SORBS2: variants seen among roughly 807,000 people sequenced by gnomAD.
The protein encoded by SORBS2 is sorbin and SH3 domain containing 2.
A neutral mutation model predicts 97.7 loss-of-function variants in SORBS2; 46 were observed. That is an observed-to-expected ratio of 0.47 (90% CI 0.37 to 0.60). SORBS2 has a LOEUF of 0.60. Among genes scored for constraint, SORBS2 ranks in the 20% least tolerant of loss-of-function variants. SORBS2 has a pLI of 0.00. For missense variants in SORBS2, 1,316 were observed against 1,282.3 expected (o/e 1.03, Z -0.40); for synonymous variants, 476 against 473.4 (o/e 1.01, Z -0.07).
intron 1 of SORBS2, among the ~76,000 whole-genome samples, chr4:185,871,210 A>C (rs944315391): frequency 3.3e-5 from 5 of 152,214 alleles, no homozygotes; most frequent in African/African-American, 1.2e-4. Flanking sequence ...CTTAACAAAA[A>C]GTTAGCCAGG....
upstream of SORBS2, among the ~76,000 whole-genome samples, chr4:185,658,817 A>T (rs2153471391): frequency 6.6e-6 from 1 of 150,534 alleles, no homozygotes; most frequent in South Asian, 2.1e-4. Context: ...AGTAGCTGGG[A>T]CTACAGGTGC....
intron 1 of SORBS2, among the ~76,000 whole-genome samples, chr4:185,838,419 T>C (rs12640920): frequency 0.3 from 45,658 of 152,080 alleles, 8,529 homozygotes; most frequent in East Asian, 0.76. Flanking sequence ...AACTCACGGA[T>C]GCGCTGGTTG....
At chr4:185,724,514 A>C (rs2098541813) in intron 2 of SORBS2, among the ~76,000 whole-genome samples, 1 of 152,114 alleles carries the variant, frequency 6.6e-6, no homozygotes, top group Non-Finnish European at 1.5e-5. Flanking sequence ...TGGGTGTTCT[A>C]ACCTAACTTT....
chr4:185,826,695 A>T (rs58815277), intron 1 of SORBS2, among the ~76,000 whole-genome samples: 35,226 of 152,070 alleles, frequency 0.23, 4,766 homozygotes, highest in East Asian at 0.64. Flanking sequence ...AATCACACTA[A>T]TTTATTCAAC....
At chr4:185,598,662 CT>C (rs1297964748) in intron 12 of SORBS2, among the ~76,000 whole-genome samples, 3 of 152,026 alleles carry the variant, frequency 2.0e-5, no homozygotes, top group Admixed American at 6.6e-5. Flanking sequence ...GTGTTTTTAT[CT>C]TTTTTTATAA....
Position 185,606,966 on chromosome 4 carries a change from TGTC to T in SORBS2, c.2796+4811_2796+4813del. ...TCAACTCTGCAAAGTTGCTTTGAGT[TGTC>T]GTTCTGGGATCCTGAAGAGGCTCTG... On this transcript the variant is annotated intron_variant, in intron 12 of 14. Coordinates refer to ENST00000418609, the Ensembl canonical transcript of SORBS2. The surrounding 1 kb of genome is among the most constrained non-coding windows in gnomAD (Gnocchi z 4.3). The T allele has an allele frequency of 1.0e-6, 1 of 993,318 alleles. No individual in the cohort carries two copies. 61.5% of individuals were successfully genotyped at this position (993,318 alleles called of 1,614,324 possible).
At chr4:185,800,881 ACTT>A (rs988934312) in intron 1 of SORBS2, among the ~76,000 whole-genome samples, 1 of 152,178 alleles carries the variant, frequency 6.6e-6, no homozygotes, top group African/African-American at 2.4e-5. Context: ...GTTAGTGATC[ACTT>A]CTTATCTTTT....
intron 1 of SORBS2, among the ~76,000 whole-genome samples, chr4:185,834,870 AC>A (rs1198525864): frequency 9.8e-5 from 15 of 152,324 alleles, no homozygotes; most frequent in African/African-American, 2.9e-4. Flanking sequence ...TTATAAAATA[AC>A]CAAAAAGCGT....
chr4:185,806,238 G>A (rs2099152847), intron 1 of SORBS2, among the ~76,000 whole-genome samples: 1 of 152,194 alleles, frequency 6.6e-6, no homozygotes, highest in African/African-American at 2.4e-5. Context: ...TCCTCAGCGA[G>A]AAGTAAGTAC....
intron 1 of SORBS2, among the ~76,000 whole-genome samples, chr4:185,840,939 A>T (rs927359730): frequency 6.6e-5 from 10 of 151,568 alleles, no homozygotes; most frequent in Non-Finnish European, 1.5e-4. Context: ...GGCAAGAGGG[A>T]GGGGAGGGAG....
At chr4:185,650,492 T>C (rs918835636) in intron 2 of SORBS2, among the ~76,000 whole-genome samples, 2 of 152,186 alleles carry the variant, frequency 1.3e-5, no homozygotes, top group African/African-American at 4.8e-5. Flanking sequence ...ACTGATCAAA[T>C]GATCAGCTTG....
chr4:185,733,080 G>A (rs1277227193), intron 2 of SORBS2, among the ~76,000 whole-genome samples: 2 of 152,176 alleles, frequency 1.3e-5, no homozygotes, highest in African/African-American at 4.8e-5. Context: ...ACACCCCCAC[G>A]TAGAGTGTGA....
intron 2 of SORBS2, among the ~76,000 whole-genome samples, chr4:185,729,045 C>A (rs975347486): frequency 6.6e-5 from 10 of 152,180 alleles, no homozygotes; most frequent in Non-Finnish European, 1.5e-4. Context: ...AGGATTAAAT[C>A]ATAGATGTAA....
chr4:185,878,935 C>T (rs185975278), intron 1 of SORBS2, among the ~76,000 whole-genome samples: 57 of 152,326 alleles, frequency 3.7e-4, no homozygotes, highest in African/African-American at 1.4e-3. Flanking sequence ...GCTGCCAGAG[C>T]TTCCCATCAA....
At chr4:185,894,872 C>A (rs573825980) in intron 1 of SORBS2, among the ~76,000 whole-genome samples, 131 of 152,294 alleles carry the variant, frequency 8.6e-4, no homozygotes, top group African/African-American at 3.1e-3. Flanking sequence ...CTCCTCGGAG[C>A]CTAGCACTTT....
intron 1 of SORBS2, among the ~76,000 whole-genome samples, chr4:185,799,576 G>A (rs148035878): frequency 1.7e-3 from 261 of 152,266 alleles, no homozygotes; most frequent in Non-Finnish European, 2.9e-3. Context: ...AGAAGCAGCC[G>A]CCCATCCCTT....
chr4:185,837,481 C>T (rs2099208718), intron 1 of SORBS2, among the ~76,000 whole-genome samples: 3 of 152,118 alleles, frequency 2.0e-5, no homozygotes, highest in Admixed American at 2.0e-4. Flanking sequence ...AGGTGAAAAG[C>T]TAAGTATGAG....
chr4:185,680,185 A>AT (rs1298594209), intron 2 of SORBS2, among the ~76,000 whole-genome samples: 1 of 152,010 alleles, frequency 6.6e-6, no homozygotes, highest in African/African-American at 2.4e-5. Context: ...TTTTTATTTT[A>AT]TTTTTTAAAG....
chr4:185,677,638 C>T, intron 4 of SORBS2: 1 of 1,499,288 alleles, frequency 6.7e-7, no homozygotes, highest in South Asian at 1.3e-5. Context: ...GGAGGGGGTG[C>T]CTGGATTGAC....
Sources: gnomAD v4.1 joint callset for allele counts (sites outside exome capture counted in the v4.1 genomes callset) on GRCh38, gnomAD v4.1.1 for gene constraint, Gnocchi (gnomAD v3.1) non-coding constraint, MANE v1.5 for transcripts, NCBI Gene and HGNC (gene_info 2026-07-23, HGNC 2026-07-21) for gene names.